Variants in ADK observed in about 807,000 individuals in gnomAD.
ADK encodes the protein N6,N6-dimethyladenosine kinase.
ADK carries 24 observed loss-of-function variants against 44.7 expected under a neutral mutation model. The observed-to-expected ratio is 0.54, with a 90% confidence interval of 0.39 to 0.76. The LOEUF (loss-of-function observed/expected upper bound fraction) is 0.76. Ranked by LOEUF, ADK falls within the 30% of genes least tolerant of loss-of-function variation. The probability of loss-of-function intolerance (pLI) is 0.00; values close to 1 mark genes in which losing one functional copy is unlikely to be tolerated. For synonymous variants in ADK, 128 were observed against 142.6 expected, an observed-to-expected ratio of 0.90 and a Z score of 0.73; for missense variants, 321 against 425.1, an observed-to-expected ratio of 0.76 and a Z score of 2.15.
chr10:74,627,689 G>T (rs1165646893), intron 9 of ADK, among the ~76,000 whole-genome samples: 1 of 152,064 alleles, frequency 6.6e-6, no homozygotes, highest in Non-Finnish European at 1.5e-5. Context: ...GGAGTGTGCA[G>T]TGGCACGATC....
intron 4 of ADK, chr10:74,372,428 AC>A (rs1247735461): frequency 4.6e-6 from 3 of 648,598 alleles, no homozygotes; most frequent in Non-Finnish European, 5.7e-6. Context: ...CTGTTATTGC[AC>A]ACGCTCTTAA....
chr10:74,318,254 T>C (rs1338359694), intron 4 of ADK, among the ~76,000 whole-genome samples: 1 of 152,172 alleles, frequency 6.6e-6, no homozygotes, highest in Non-Finnish European at 1.5e-5. Context: ...CTTGAACTGC[T>C]GCGCTCACAG....
chr10:74,335,825 T>C (rs1313547318), intron 4 of ADK, among the ~76,000 whole-genome samples: 1 of 152,228 alleles, frequency 6.6e-6, no homozygotes, highest in Admixed American at 6.5e-5. Flanking sequence ...TATATGTTCT[T>C]TGAAGAAGTA....
rs576099761 is a variant in ADK at position 74,454,699 on chromosome 10, C to T, written c.555+56120C>T. Among the ~76,000 whole-genome samples, 8 of 152,266 alleles carry T rather than the reference C, an allele frequency of 5.3e-5. 1 individual carries two copies. Among genetic ancestry groups the T allele is most frequent in the African/African-American group, 1.9e-4 (8 of 41,554 alleles). On this transcript the variant is annotated intron_variant, in intron 6 of 10. Transcript: ENST00000539909. ...TAATTTAAGTGTAAGTTTTACATGA[C>T]ATGGGAGCCTTCATAAGGAAATGAA... is the stretch of plus-strand genomic sequence containing the variant.
intron 10 of ADK, among the ~76,000 whole-genome samples, chr10:74,693,142 C>A (rs1856052215): frequency 6.6e-6 from 1 of 152,094 alleles, no homozygotes; most frequent in South Asian, 2.1e-4. Context: ...CTAATGTAAA[C>A]TATAGATATT....
At chr10:74,198,821 T>C (rs974904017) in intron 1 of ADK, among the ~76,000 whole-genome samples, 1 of 152,214 alleles carries the variant, frequency 6.6e-6, no homozygotes, top group African/African-American at 2.4e-5. Context: ...AAATATAATT[T>C]AAAATTATAT....
intron 2 of ADK, among the ~76,000 whole-genome samples, chr10:74,218,492 C>CA (rs1325610955): frequency 6.6e-6 from 1 of 152,128 alleles, no homozygotes; most frequent in Non-Finnish European, 1.5e-5. Flanking sequence ...AGGCAGCCAA[C>CA]ATTCAGATTC....
intron 6 of ADK, among the ~76,000 whole-genome samples, chr10:74,476,901 T>A (rs961571890): frequency 2.0e-5 from 3 of 152,234 alleles, no homozygotes; most frequent in African/African-American, 7.2e-5. Flanking sequence ...ATATGTAGAC[T>A]AGTGGTTCTG....
At chr10:74,677,722 A>C (rs1855443209) in intron 10 of ADK, among the ~76,000 whole-genome samples, 1 of 152,124 alleles carries the variant, frequency 6.6e-6, no homozygotes, top group Non-Finnish European at 1.5e-5. Flanking sequence ...CAATGTCAAC[A>C]ACTCTTTTTC....
intron 8 of ADK, among the ~76,000 whole-genome samples, chr10:74,591,807 A>C (rs1422752170): frequency 6.6e-6 from 1 of 152,140 alleles, no homozygotes; most frequent in African/African-American, 2.4e-5. Flanking sequence ...AGGAAAGGTG[A>C]GTATTTTTTC....
intron 3 of ADK, among the ~76,000 whole-genome samples, chr10:74,235,716 CCTTT>C (rs1213847856): frequency 6.6e-6 from 1 of 152,148 alleles, no homozygotes; most frequent in Non-Finnish European, 1.5e-5. Context: ...CACTTTTTCT[CCTTT>C]CTTTCTGCTA....
At chr10:74,216,883 G>C (rs1391708962) in intron 2 of ADK, among the ~76,000 whole-genome samples, 1 of 152,162 alleles carries the variant, frequency 6.6e-6, no homozygotes, top group Non-Finnish European at 1.5e-5. Flanking sequence ...TAAAAAGTGA[G>C]AGGAGCCCAG....
Position 74,381,466 on chromosome 10 carries a change from C to A in ADK, c.274-12675C>A, listed in dbSNP as rs73288051. ...TTAAGTGCTTTGTCATATTTGCAGGCTTTTATAGTGGAAGAGAACAGCAGT... is the reference window on the plus strand; with the variant it reads ...TTAAGTGCTTTGTCATATTTGCAGGATTTTATAGTGGAAGAGAACAGCAGT... On this transcript the variant is annotated intron_variant, in intron 4 of 10. Coordinates refer to ENST00000539909, the MANE Select transcript of ADK (RefSeq NM_006721.4). Among the ~76,000 whole-genome samples the A allele has an allele frequency of 1.7e-3, 262 of 152,246 alleles. 1 individual carries two copies. Among genetic ancestry groups the A allele is most frequent in the African/African-American group, 6.2e-3 (256 of 41,556 alleles).
intron 3 of ADK, among the ~76,000 whole-genome samples, chr10:74,295,441 G>A (rs1056069937): frequency 5.4e-5 from 8 of 148,980 alleles, no homozygotes; most frequent in African/African-American, 1.7e-4. Context: ...CAGACTGGGC[G>A]ACAAGAGCAA....
At chr10:74,375,503 A>G (rs1842788453) in intron 4 of ADK, among the ~76,000 whole-genome samples, 1 of 152,184 alleles carries the variant, frequency 6.6e-6, no homozygotes, top group Non-Finnish European at 1.5e-5. Context: ...TGCCTGGGAA[A>G]TTGTCATTTG....
intron 7 of ADK, among the ~76,000 whole-genome samples, chr10:74,535,715 TG>T (rs1469949514): frequency 1.3e-5 from 2 of 151,688 alleles, no homozygotes; most frequent in Non-Finnish European, 2.9e-5. Flanking sequence ...CCCGAGTAGC[TG>T]AGACTACAGG....
intron 1 of ADK, among the ~76,000 whole-genome samples, chr10:74,172,940 A>G (rs1293113666): frequency 6.6e-6 from 1 of 151,998 alleles, no homozygotes; most frequent in Non-Finnish European, 1.5e-5. Context: ...GCAAATATCA[A>G]AAATGAGTTA....
intron 9 of ADK, among the ~76,000 whole-genome samples, chr10:74,638,953 G>A (rs1853725448): frequency 6.6e-6 from 1 of 152,002 alleles, no homozygotes; most frequent in Admixed American, 6.6e-5. Flanking sequence ...GACTATAGGT[G>A]CACACCACCA....
At chr10:74,375,154 T>C (rs1381937403) in intron 4 of ADK, among the ~76,000 whole-genome samples, 1 of 152,194 alleles carries the variant, frequency 6.6e-6, no homozygotes, top group African/African-American at 2.4e-5. Flanking sequence ...TAAATCTTTT[T>C]TGTAAAAGAA....
Sources: allele counts gnomAD v4.1 joint callset (sites outside exome capture counted in the v4.1 genomes callset), GRCh38; gene constraint gnomAD v4.1.1; transcripts MANE v1.5; gene names NCBI Gene and HGNC (gene_info 2026-07-23, HGNC 2026-07-21).